Variants in MYT1L observed in about 807,000 individuals in gnomAD.
MYT1L encodes myelin transcription factor 1 like.
MYT1L carries 12 observed loss-of-function variants against 126.7 expected under a neutral mutation model. The observed-to-expected ratio is 0.09, with a 90% CI of 0.06 to 0.15. The LOEUF is 0.15. MYT1L is among the 10% of genes least tolerant of loss of function. MYT1L has a pLI of 1.00. For synonymous variants in MYT1L, 541 were observed against 604.2 expected (o/e 0.90, Z 1.53); for missense variants, 979 against 1,585.2 (o/e 0.62, Z 6.49).
chr2:1,913,983 T>C (rs1437615621), intron 11 of MYT1L, among the ~76,000 whole-genome samples: 3 of 152,036 alleles, frequency 2.0e-5, no homozygotes, highest in East Asian at 1.9e-4. Flanking sequence ...CTTCCGGGCG[T>C]GGTGGCTCAC....
At chr2:2,024,937 G>A (rs892594248) in intron 4 of MYT1L, among the ~76,000 whole-genome samples, 4 of 152,386 alleles carry the variant, frequency 2.6e-5, no homozygotes, top group East Asian at 3.9e-4. Context: ...CGTTCCGCCT[G>A]TCCCACCACA....
At chr2:2,009,500 A>ATTTATATTCC (rs2063617907) in intron 4 of MYT1L, among the ~76,000 whole-genome samples, 1 of 152,056 alleles carries the variant, frequency 6.6e-6, no homozygotes, top group Non-Finnish European at 1.5e-5. Flanking sequence ...TTTTCCAGCT[A>ATTTATATTCC]GGTTATTATT....
chr2:2,083,117 T>G (rs1340413006), intron 3 of MYT1L, among the ~76,000 whole-genome samples: 6 of 152,330 alleles, frequency 3.9e-5, no homozygotes, highest in African/African-American at 7.2e-5. Flanking sequence ...CTAGGGATGA[T>G]GTGGAAGGTG....
intron 3 of MYT1L, among the ~76,000 whole-genome samples, chr2:2,145,629 TACACACACACAAGAC>T (rs946149282): frequency 1.4e-5 from 2 of 143,812 alleles, no homozygotes; most frequent in African/African-American, 2.7e-5. Flanking sequence ...GGAAAAAAAA[TACACACACACAAGAC>T]ACACACACAC....
chr2:2,269,149 C>T (rs1157803633), intron 2 of MYT1L, among the ~76,000 whole-genome samples: 1 of 152,178 alleles, frequency 6.6e-6, no homozygotes, highest in Admixed American at 6.5e-5. Flanking sequence ...TCTAAATTAT[C>T]TGGAGATAAA....
chr2:2,005,783 T>C (rs71442315), intron 4 of MYT1L, among the ~76,000 whole-genome samples: 67,047 of 140,028 alleles, frequency 0.48, 17,180 homozygotes, highest in African/African-American at 0.73. Flanking sequence ...TTCTTTCCTG[T>C]GTGCGTTCTT....
At chr2:1,823,512 C>A (rs966235124) in intron 21 of MYT1L, among the ~76,000 whole-genome samples, 1 of 152,146 alleles carries the variant, frequency 6.6e-6, no homozygotes, top group Non-Finnish European at 1.5e-5. Flanking sequence ...CTGAGCAGCT[C>A]CCCCAGGACG....
intron 4 of MYT1L, among the ~76,000 whole-genome samples, chr2:2,028,912 G>T (rs2065922151): frequency 6.6e-6 from 1 of 152,070 alleles, no homozygotes; most frequent in African/African-American, 2.4e-5. Flanking sequence ...GGGACACATT[G>T]GGGGGCTTCT....
At chr2:2,311,301 G>A (rs2095966563) in intron 1 of MYT1L, among the ~76,000 whole-genome samples, 1 of 152,228 alleles carries the variant, frequency 6.6e-6, no homozygotes, top group South Asian at 2.1e-4. Flanking sequence ...ACAGATGTGT[G>A]TGTCCAACTT....
intron 2 of MYT1L, among the ~76,000 whole-genome samples, chr2:2,211,151 A>G (rs2093490557): frequency 6.6e-6 from 1 of 152,214 alleles, no homozygotes; most frequent in South Asian, 2.1e-4. Context: ...CAAATATAAA[A>G]TCATATCATC....
chr2:2,017,715 A>ACCATCCATCCCTCCAT (rs1479914601), intron 4 of MYT1L, among the ~76,000 whole-genome samples: 1 of 149,952 alleles, frequency 6.7e-6, no homozygotes, highest in Non-Finnish European at 1.5e-5. Flanking sequence ...TATCTATCTA[A>ACCATCCATCCCTCCAT]CCATCCATCC....
chr2:2,013,487 C>T (rs1184553145), intron 4 of MYT1L, among the ~76,000 whole-genome samples: 3 of 152,210 alleles, frequency 2.0e-5, no homozygotes, highest in Non-Finnish European at 2.9e-5. Flanking sequence ...ACTCATTGCC[C>T]GTGTGGCCCA....
At chr2:1,902,918 T>C (rs1234416286) in intron 14 of MYT1L, 162 bp downstream of exon 14, 1 of 645,694 alleles carries the variant, frequency 1.5e-6, no homozygotes, top group Admixed American at 2.6e-5. Flanking sequence ...TGTGTGGACC[T>C]GAGGGGCTTT....
chr2:2,039,418 T>A (rs76306756), intron 4 of MYT1L, among the ~76,000 whole-genome samples: 3,598 of 151,996 alleles, frequency 0.024, 52 homozygotes, highest in Non-Finnish European at 0.036. Flanking sequence ...AAAAAAAATC[T>A]ACATATGACC....
intron 8 of MYT1L, among the ~76,000 whole-genome samples, chr2:1,956,592 C>T (rs529013010): frequency 6.9e-6 from 1 of 145,048 alleles, no homozygotes; most frequent in East Asian, 2.0e-4. Context: ...ATCTATCTAT[C>T]TATCTATCTA....
rs1317875327 is a variant in MYT1L at position 2,186,156 on chromosome 2, C to T, written c.-420-13168G>A. Among the ~76,000 whole-genome samples the T allele has an allele frequency of 1.4e-5, 2 of 138,224 alleles. 1 individual carries two copies. Among genetic ancestry groups the T allele is most frequent in the Non-Finnish European group, 3.1e-5 (2 of 65,026 alleles). The allele number at this position is 138,224 out of a possible 152,430, so 90.7% of individuals were successfully genotyped here. A position where few individuals can be genotyped will look rare whatever the true frequency, so the allele number is the denominator to read the frequency against. On this transcript the variant is annotated intron_variant, in intron 2 of 24. Coordinates refer to ENST00000647738, the MANE Select transcript of MYT1L (RefSeq NM_001303052.2). ...CGTGAGGGGGACGCAGCCGGGCCTC[C>T]CAGACGCCCGCGTTCCTTACGTGAG...
At chr2:2,014,153 A>G (rs2064122822) in intron 4 of MYT1L, among the ~76,000 whole-genome samples, 1 of 150,864 alleles carries the variant, frequency 6.6e-6, no homozygotes, top group Non-Finnish European at 1.5e-5. Context: ...GCATCTCATT[A>G]TTATTTCATT....
intron 2 of MYT1L, among the ~76,000 whole-genome samples, chr2:2,178,096 CTGTAATAAT>C (rs1279071145): frequency 6.6e-6 from 1 of 151,958 alleles, no homozygotes; most frequent in Non-Finnish European, 1.5e-5. Context: ...TATAAACAGA[CTGTAATAAT>C]TTACTTGATT....
intron 9 of MYT1L, among the ~76,000 whole-genome samples, chr2:1,928,622 T>C (rs541781760): frequency 6.6e-6 from 1 of 152,326 alleles, no homozygotes; most frequent in South Asian, 2.1e-4. Flanking sequence ...CCCTTCTGCC[T>C]CACCATTCGG....
Sources: allele counts gnomAD v4.1 joint callset (sites outside exome capture counted in the v4.1 genomes callset), GRCh38; gene constraint gnomAD v4.1.1; transcripts MANE v1.5; gene names NCBI Gene and HGNC (gene_info 2026-07-23, HGNC 2026-07-21).